Variants in SND1 observed in about 807,000 individuals in gnomAD.
The protein encoded by SND1 is staphylococcal nuclease and tudor domain containing 1.
A neutral mutation model predicts 121.7 loss-of-function variants in SND1; 38 were observed. The ratio of observed to expected loss-of-function variants is 0.31; its 90% CI spans 0.24 to 0.41. The LOEUF is 0.41. SND1 is among the 10% of genes least tolerant of loss of function. The pLI is 1.00. For missense variants in SND1, 868 were observed against 1,184.6 expected (o/e 0.73, Z 3.92); for synonymous variants, 401 against 447.4 (o/e 0.90, Z 1.31).
At chr7:127,886,932 T>A (rs1320190036) in intron 12 of SND1, among the ~76,000 whole-genome samples, 2 of 151,582 alleles carry the variant, frequency 1.3e-5, no homozygotes, top group South Asian at 2.1e-4. Context: ...GTAGCTCCCA[T>A]GGAGTATTGC....
intron 16 of SND1, among the ~76,000 whole-genome samples, chr7:128,073,829 G>T (rs1584774197): frequency 6.6e-6 from 1 of 152,140 alleles, no homozygotes; most frequent in African/African-American, 2.4e-5. Flanking sequence ...GTTATCCTGG[G>T]TCCTCGGGAT....
chr7:127,699,062 C>T (rs962338788), intron 4 of SND1, 109 bp downstream of exon 4: 33 of 806,122 alleles, frequency 4.1e-5, no homozygotes, highest in South Asian at 9.0e-5. Context: ...CACACCTTCG[C>T]GGACATTCTT....
intron 16 of SND1, among the ~76,000 whole-genome samples, chr7:128,016,144 C>CTTTTTTTTTTTTTTTTTT (rs767867847): frequency 8.1e-6 from 1 of 123,002 alleles, no homozygotes. Flanking sequence ...GGAACAACTT[C>CTTTTTTTTTTTTTTTTTT]CTTTTTTTTT....
chr7:127,731,937 A>G (rs1033907069), intron 10 of SND1, among the ~76,000 whole-genome samples: 1 of 152,130 alleles, frequency 6.6e-6, no homozygotes, highest in Admixed American at 6.5e-5. Context: ...TCTCACCCCC[A>G]TCACCCAGTA....
In SND1 at chr7:127,778,179, T is replaced by TTATG. The variant is rs1449344704; in HGVS notation, c.1153-29302_1153-29301insGTAT. ...CTTGCCAGTCCCATTTATTTGTGTC[T>TTATG]TATTTATTTATTTATTTATTTATTT... On this transcript the variant is annotated intron_variant, in intron 10 of 23. Coordinates refer to ENST00000354725, the MANE Select transcript of SND1 (RefSeq NM_014390.4). 2.0e-4 allele frequency among the ~76,000 whole-genome samples: 6 copies of TTATG among 30,014 alleles called. No homozygotes were observed. The East Asian group carries it at 0.022, about 109-fold the overall frequency. 19.7% of individuals were successfully genotyped at this position (30,014 alleles called of 152,430 possible).
intron 16 of SND1, among the ~76,000 whole-genome samples, chr7:128,034,289 C>A (rs1391273077): frequency 6.6e-6 from 1 of 152,196 alleles, no homozygotes; most frequent in Non-Finnish European, 1.5e-5. Flanking sequence ...AATGAACTCT[C>A]ATCAAGAAAA....
At chr7:127,781,274 C>T (rs1415111890) in intron 10 of SND1, among the ~76,000 whole-genome samples, 10 of 152,076 alleles carry the variant, frequency 6.6e-5, no homozygotes, top group Non-Finnish European at 5.9e-5. Context: ...ATTAGTTCAC[C>T]ATAGAAGTAA....
chr7:127,776,348 G>A (rs1797619734), intron 10 of SND1, among the ~76,000 whole-genome samples: 1 of 151,900 alleles, frequency 6.6e-6, no homozygotes, highest in South Asian at 2.1e-4. Context: ...TGAGGGGCAG[G>A]GTGGAAAAAG....
chr7:128,072,405 G>A (rs554276521), intron 16 of SND1, among the ~76,000 whole-genome samples: 10 of 152,262 alleles, frequency 6.6e-5, no homozygotes, highest in South Asian at 2.1e-4. Context: ...CAGGGAATGC[G>A]GAAACTGATG....
chr7:127,946,649 A>AGGAAGTGGCT (rs1258787102), intron 15 of SND1, among the ~76,000 whole-genome samples: 3 of 152,232 alleles, frequency 2.0e-5, no homozygotes, highest in Non-Finnish European at 4.4e-5. Context: ...CTTTCCTCTG[A>AGGAAGTGGCT]GGAAGTGGCT....
chr7:128,080,852 A>G (rs2117058852), intron 17 of SND1, among the ~76,000 whole-genome samples: 1 of 151,964 alleles, frequency 6.6e-6, no homozygotes, highest in East Asian at 1.9e-4. Context: ...AGAATTTGAG[A>G]ACTGCTAGAT....
chr7:128,025,619 C>T (rs1006503646), intron 16 of SND1, among the ~76,000 whole-genome samples: 1 of 152,182 alleles, frequency 6.6e-6, no homozygotes, highest in Admixed American at 6.5e-5. Flanking sequence ...ATTTTTGGTA[C>T]TCACGGGATG....
chr7:128,090,776 C>T (rs1015567915), intron 22 of SND1, among the ~76,000 whole-genome samples: 3 of 152,146 alleles, frequency 2.0e-5, no homozygotes, highest in Non-Finnish European at 2.9e-5. Flanking sequence ...AACAAGACAC[C>T]CCTGTGGACT....
chr7:127,721,299 C>T lies in SND1; in HGVS notation c.1051C>T (p.Leu351=), dbSNP rs748603694. Reference sequence around the variant, plus strand: ...TTTTTGCTCACAGGTGATGCAGGTTCTGAATGCTGATGCCATTGTTGTGAA... The same window carrying T: ...TTTTTGCTCACAGGTGATGCAGGTTTTGAATGCTGATGCCATTGTTGTGAA... ...KQFVAKVMQV[L]NADAIVVKLN... Residue 351 remains leucine (L), a synonymous_variant, in exon 10 of 24, where the codon CTG becomes TTG. Transcript: ENST00000354725. 28 of 1,613,414 alleles carry T rather than the reference C, an allele frequency of 1.7e-5. No individual in the cohort carries two copies. Among genetic ancestry groups the T allele is most frequent in the Non-Finnish European group, 2.3e-5 (27 of 1,179,612 alleles).
intron 2 of SND1, among the ~76,000 whole-genome samples, chr7:127,691,496 A>G (rs1301684873): frequency 1.3e-5 from 2 of 151,906 alleles, no homozygotes; most frequent in Non-Finnish European, 2.9e-5. Context: ...GTGAACCAAG[A>G]TTATGCCACT....
intron 1 of SND1, among the ~76,000 whole-genome samples, chr7:127,682,604 T>C (rs1293693427): frequency 6.6e-6 from 1 of 152,250 alleles, no homozygotes. Context: ...CATGAAAGTT[T>C]GCAACATGAA....
At chr7:127,924,800 T>C (rs1037331073) in intron 14 of SND1, among the ~76,000 whole-genome samples, 7 of 152,226 alleles carry the variant, frequency 4.6e-5, no homozygotes, top group African/African-American at 7.2e-5. Flanking sequence ...CAAGGTACTT[T>C]ATAGAGATAA....
At chr7:127,913,183 G>A (rs552583014) in intron 14 of SND1, among the ~76,000 whole-genome samples, 5 of 152,296 alleles carry the variant, frequency 3.3e-5, no homozygotes, top group Non-Finnish European at 5.9e-5. Context: ...TTATTTGTTC[G>A]TTCTTATATA....
intron 16 of SND1, among the ~76,000 whole-genome samples, chr7:128,047,172 A>G (rs1445025630): frequency 6.6e-6 from 1 of 152,220 alleles, no homozygotes; most frequent in Non-Finnish European, 1.5e-5. Context: ...AATGACTTAT[A>G]CCAGTCAGCA....
Sources: allele counts gnomAD v4.1 joint callset (sites outside exome capture counted in the v4.1 genomes callset), GRCh38; gene constraint gnomAD v4.1.1; transcripts MANE v1.5; gene names NCBI Gene and HGNC (gene_info 2026-07-23, HGNC 2026-07-21).